The following SV2B variants were observed in gnomAD, a reference collection of about 807,000 sequenced individuals.
SV2B encodes synaptic vesicle glycoprotein 2B.
Under a neutral mutation model 73.9 loss-of-function variants are expected in SV2B, and 41 were observed. The ratio of observed to expected loss-of-function variants is 0.56; its 90% CI spans 0.43 to 0.72. The LOEUF is 0.72. SV2B is among the 30% of genes least tolerant of loss of function. The probability of loss-of-function intolerance (pLI) is 0.00; values close to 1 mark genes in which losing one functional copy is unlikely to be tolerated. For missense variants in SV2B, 764 were observed against 857.8 expected (o/e 0.89, Z 1.37); for synonymous variants, 314 against 314.2 (o/e 1.00, Z 0.01).
At position 91,267,480 on chromosome 15, in the gene SV2B, G is replaced by A; in HGVS notation, c.1120-75G>A. The A allele has an allele frequency of 7.7e-7, 1 of 1,306,104 alleles. No individual in the cohort carries two copies. The highest frequency in any genetic ancestry group is 1.9e-5 in the Admixed American group (1 of 52,890). The allele number at this position is 1,306,104 out of a possible 1,614,324, so 80.9% of individuals were successfully genotyped here. ...CTAGGCAACTTATTAGAATATCTGA[G>A]TAATGAGCTCTTCGTGGGAGAAACA... On this transcript the variant is annotated intron_variant, in intron 7 of 12. Transcript: ENST00000394232. The surrounding 1 kb of genome is among the most constrained non-coding windows in gnomAD (Gnocchi z 4.3).
chr15:91,153,266 G>A (rs929860793), intron 1 of SV2B, among the ~76,000 whole-genome samples: 5 of 152,098 alleles, frequency 3.3e-5, no homozygotes, highest in African/African-American at 9.7e-5. Flanking sequence ...CTTTTGGGGG[G>A]ACAAATACAT....
At chr15:91,238,528 C>T (rs900195988) in intron 2 of SV2B, among the ~76,000 whole-genome samples, 11 of 152,220 alleles carry the variant, frequency 7.2e-5, no homozygotes, top group Non-Finnish European at 1.6e-4. Context: ...TAACCTTAAA[C>T]AACTTCTATG....
chr15:91,238,372 A>G (rs1009985077), intron 2 of SV2B, among the ~76,000 whole-genome samples: 1 of 152,186 alleles, frequency 6.6e-6, no homozygotes, highest in African/African-American at 2.4e-5. Context: ...CATAGGCTCT[A>G]AGAGGGTAAA....
intron 2 of SV2B, among the ~76,000 whole-genome samples, chr15:91,247,992 T>C (rs542887865): frequency 6.6e-6 from 1 of 152,320 alleles, no homozygotes; most frequent in South Asian, 2.1e-4. Flanking sequence ...TTTATCATAG[T>C]CGTACATATT....
chr15:91,113,242 A>G (rs1304738207), intron 1 of SV2B, among the ~76,000 whole-genome samples: 6 of 152,200 alleles, frequency 3.9e-5, no homozygotes, highest in Non-Finnish European at 7.3e-5. Context: ...CTTCCTTTGC[A>G]AGTGGGCGTG....
At chr15:91,274,300 A>G (rs902799312) in intron 9 of SV2B, among the ~76,000 whole-genome samples, 1 of 152,208 alleles carries the variant, frequency 6.6e-6, no homozygotes, top group Non-Finnish European at 1.5e-5. Flanking sequence ...TATACGGTGT[A>G]TATTTAGCTT....
At chr15:91,278,678 C>CAAAAAAAAAAAAAA (rs746732650) in intron 9 of SV2B, among the ~76,000 whole-genome samples, 25 of 42,242 alleles carry the variant, frequency 5.9e-4, no homozygotes, top group Non-Finnish European at 7.8e-4. Flanking sequence ...GACTCCGTCT[C>CAAAAAAAAAAAAAA]AAAAAAAAAA....
chr15:91,112,079 T>C (rs1439765603), intron 1 of SV2B, among the ~76,000 whole-genome samples: 1 of 147,334 alleles, frequency 6.8e-6, no homozygotes, highest in Non-Finnish European at 1.5e-5. Flanking sequence ...AACTATGTCA[T>C]CTGCTGTGGC....
rs1052484682 is a variant in SV2B at position 91,139,739 on chromosome 15, G to A, written c.-392+39376G>A. Among the ~76,000 whole-genome samples, 1 of 152,224 alleles carries A rather than the reference G, an allele frequency of 6.6e-6. No individual in the cohort carries two copies. Among genetic ancestry groups the A allele is most frequent in the Non-Finnish European group, 1.5e-5 (1 of 68,046 alleles). The stretch of plus-strand genomic sequence containing the variant: ...AATAGGAGCAAACATTAGGGTGACT[G>A]TAACAATTATCATCTAAACTGAGAC... On this transcript the variant is annotated intron_variant, in intron 1 of 12. Transcript: ENST00000394232. This position sits in a 1 kb window ranked among gnomAD's most constrained non-coding sequence, Gnocchi z 5.2.
Position 91,258,341 on chromosome 15 carries a change from G to A in SV2B, c.785-80G>A. 4 of 1,563,326 alleles carry A rather than the reference G, an allele frequency of 2.6e-6. 1 individual carries two copies. Among genetic ancestry groups the A allele is most frequent in the South Asian group, 2.5e-5 (2 of 80,002 alleles). The stretch of plus-strand genomic sequence containing the variant: ...GACTCTCTTGTGCCCTGAAGTTTGT[G>A]AGCCAGGGCTTCAGAGTCACTCTTC... On this transcript the variant is annotated intron_variant, in intron 4 of 12. Transcript: ENST00000394232. The surrounding 1 kb of genome is among the most constrained non-coding windows in gnomAD (Gnocchi z 4.7).
In SV2B at chr15:91,141,229, G is replaced by A. The variant is rs1358104460; in HGVS notation, c.-392+40866G>A. Among the ~76,000 whole-genome samples the A allele has an allele frequency of 6.6e-6, 1 of 152,176 alleles. No homozygotes were observed. The highest frequency in any genetic ancestry group is 1.9e-4 in the East Asian group (1 of 5,188). ...CTCCAATTTTGGCAGGGTTCTTAGGGGATTTCTGATGTACAGCTTGAGTTG... is the reference window on the plus strand; with the variant it reads ...CTCCAATTTTGGCAGGGTTCTTAGGAGATTTCTGATGTACAGCTTGAGTTG... On this transcript the variant is annotated intron_variant, in intron 1 of 12. Coordinates refer to ENST00000394232, the MANE Select transcript of SV2B (RefSeq NM_001323032.3). The surrounding 1 kb of genome is among the most constrained non-coding windows in gnomAD (Gnocchi z 4.6).
intron 1 of SV2B, among the ~76,000 whole-genome samples, chr15:91,135,861 T>C (rs2042807164): frequency 6.6e-6 from 1 of 152,162 alleles, no homozygotes; most frequent in Non-Finnish European, 1.5e-5. Context: ...GAAGCCTGAA[T>C]TGTAACCCAG....
In SV2B at chr15:91,129,621, T is replaced by C. The variant is rs2042584158; in HGVS notation, c.-392+29258T>C. ...AGGACTGCATCTGGTTGCCTCCAGA[T>C]GGCTTTAGGGGCCATGCAGAGGGCA... On this transcript the variant is annotated intron_variant, in intron 1 of 12. Coordinates refer to ENST00000394232, the MANE Select transcript of SV2B (RefSeq NM_001323032.3). The surrounding 1 kb of genome is among the most constrained non-coding windows in gnomAD (Gnocchi z 5.1). Among the ~76,000 whole-genome samples the C allele has an allele frequency of 6.6e-6, 1 of 152,192 alleles. No homozygotes were observed.
At position 91,226,513 on chromosome 15, in the gene SV2B, A is replaced by C; in HGVS notation, c.250A>C (p.Arg84=). ...LRGQTDLMAE[R]LEDEEQLAHQ... ...GGGCCAGACAGACCTGATGGCTGAG[A>C]GGCTGGAAGATGAGGAGCAGTTGGC... The change falls in exon 2 of 13, where the codon AGG becomes CGG. Residue 84 remains arginine (R), a synonymous_variant. Transcript: ENST00000394232. 1 of 1,614,184 alleles carries C rather than the reference A, an allele frequency of 6.2e-7. No homozygotes were observed. Among genetic ancestry groups the C allele is most frequent in the Non-Finnish European group, 8.5e-7 (1 of 1,180,030 alleles).
intron 1 of SV2B, among the ~76,000 whole-genome samples, chr15:91,116,922 G>A (rs1382665415): frequency 6.6e-6 from 1 of 152,180 alleles, no homozygotes; most frequent in African/African-American, 2.4e-5. Flanking sequence ...CCATCATCTT[G>A]TGAGACTTAT....
Position 91,292,756 on chromosome 15 carries a change from CT to C in SV2B, c.*206del. The C allele has an allele frequency of 1.9e-6, 1 of 536,852 alleles. No individual in the cohort carries two copies. Among genetic ancestry groups the C allele is most frequent in the Non-Finnish European group, 3.1e-6 (1 of 318,302 alleles). The allele number at this position is 536,852 out of a possible 1,614,324, so 33.3% of individuals were successfully genotyped here. A position where few individuals can be genotyped will look rare whatever the true frequency, so the allele number is the denominator to read the frequency against. On this transcript the variant is annotated 3_prime_UTR_variant, in exon 13 of 13. Coordinates refer to ENST00000394232, the MANE Select transcript of SV2B (RefSeq NM_001323032.3). ...TGATTTGGGGGTGCCCTGAGCCACC[CT>C]TAGAATCACAGAGCTGCGTGTTTAA... is the stretch of plus-strand genomic sequence containing the variant.
At chr15:91,178,625 G>C (rs1468998762) in intron 1 of SV2B, among the ~76,000 whole-genome samples, 1 of 152,094 alleles carries the variant, frequency 6.6e-6, no homozygotes, top group Non-Finnish European at 1.5e-5. Context: ...TCTTGGGAGA[G>C]TGTGTGTGTC....
intron 1 of SV2B, among the ~76,000 whole-genome samples, chr15:91,203,941 A>G (rs1156647898): frequency 1.3e-5 from 2 of 152,140 alleles, no homozygotes; most frequent in Admixed American, 1.3e-4. Flanking sequence ...TAAATAGGAA[A>G]CCTTCTTGCC....
At chr15:91,111,227 C>G (rs1362986124) in intron 1 of SV2B, among the ~76,000 whole-genome samples, 1 of 152,202 alleles carries the variant, frequency 6.6e-6, no homozygotes, top group African/African-American at 2.4e-5. Context: ...ACCTGTGTCA[C>G]TCCCAGGTTT....
Sources: allele counts gnomAD v4.1 joint callset (sites outside exome capture counted in the v4.1 genomes callset), GRCh38; gene constraint gnomAD v4.1.1; non-coding constraint Gnocchi (gnomAD v3.1); transcripts MANE v1.5; gene names NCBI Gene and HGNC (gene_info 2026-07-23, HGNC 2026-07-21).